The following OCA2 variants were observed in gnomAD, a reference collection of about 807,000 sequenced individuals.
OCA2 encodes the protein OCA2 melanosomal transmembrane protein.
OCA2 carries 77 observed loss-of-function variants against 100.2 expected under a neutral mutation model. The observed-to-expected ratio is 0.77, with a 90% confidence interval of 0.64 to 0.93. OCA2 has a LOEUF of 0.93. Ranked by LOEUF, OCA2 falls within the 40% of genes least tolerant of loss-of-function variation. OCA2 has a pLI of 0.00. For synonymous variants in OCA2, 432 were observed against 439.2 expected, an observed-to-expected ratio of 0.98 and a Z score of 0.21; for missense variants, 1,062 against 1,089.1, an observed-to-expected ratio of 0.98 and a Z score of 0.35.
At chr15:27,851,901 G>A (rs1200136635) in intron 21 of OCA2, among the ~76,000 whole-genome samples, 1 of 152,190 alleles carries the variant, frequency 6.6e-6, no homozygotes, top group Non-Finnish European at 1.5e-5. Context: ...CCAGGATGCA[G>A]AGAGGCACAG....
In OCA2 at chr15:27,957,785, A is replaced by C. The variant is rs1311226472; in HGVS notation, c.1637-50T>G. On this transcript the variant is annotated intron_variant, in intron 15 of 23. Coordinates refer to ENST00000354638, the MANE Select transcript of OCA2 (RefSeq NM_000275.3). The surrounding 1 kb of genome is among the most constrained non-coding windows in gnomAD (Gnocchi z 4.3). ...TGGGTCTCCCATGACCTCAGATATCAGCAACACCCTCCTCTGTTCCCCACA... is the reference window on the plus strand; with the variant it reads ...TGGGTCTCCCATGACCTCAGATATCCGCAACACCCTCCTCTGTTCCCCACA... 6.2e-7 allele frequency: 1 copy of C among 1,604,972 alleles called. No homozygotes were observed. The highest frequency in any genetic ancestry group is 1.7e-5 in the Admixed American group (1 of 59,972).
chr15:27,987,516 G>A lies in OCA2; in HGVS notation c.1183-873C>T, dbSNP rs535629295. On this transcript the variant is annotated intron_variant, in intron 11 of 23. Coordinates refer to ENST00000354638, the MANE Select transcript of OCA2 (RefSeq NM_000275.3). ...GGGCGGATCACGAGATCAGGAGATC[G>A]AGACCCTCCTGGCTAACATGGTGAA... Among the ~76,000 whole-genome samples, 62 of 150,916 alleles carry A rather than the reference G, an allele frequency of 4.1e-4. No homozygotes were observed. In the East Asian group the frequency reaches 6.1e-3, roughly 15 times the overall value.
chr15:27,859,773 C>T (rs1216446298), intron 21 of OCA2, among the ~76,000 whole-genome samples: 3 of 152,100 alleles, frequency 2.0e-5, no homozygotes, highest in African/African-American at 7.2e-5. Context: ...TCTATACCAA[C>T]GTTCTTACAG....
chr15:28,076,607 G>A (rs1016239738), intron 2 of OCA2, among the ~76,000 whole-genome samples: 2 of 151,958 alleles, frequency 1.3e-5, no homozygotes, highest in Non-Finnish European at 2.9e-5. Context: ...CAGCACTTTG[G>A]GAGGCCGAGG....
intron 19 of OCA2, among the ~76,000 whole-genome samples, chr15:27,901,185 G>A (rs1250413920): frequency 6.6e-6 from 1 of 152,222 alleles, no homozygotes; most frequent in East Asian, 1.9e-4. Context: ...TTGAGGACAA[G>A]TGATTTTCTC....
Position 27,944,090 on chromosome 15 carries a change from G to A in OCA2, c.1951+7694C>T, listed in dbSNP as rs563704802. ...CGACACCTTGACTATGGAAATTATC[G>A]TTTTTGGCTTTACCATTTGGTACCC... is the stretch of plus-strand genomic sequence containing the variant. On this transcript the variant is annotated intron_variant, in intron 18 of 23. Coordinates refer to ENST00000354638, the MANE Select transcript of OCA2 (RefSeq NM_000275.3). 4.6e-5 allele frequency among the ~76,000 whole-genome samples: 7 copies of A among 152,168 alleles called. 1 individual carries two copies. Among genetic ancestry groups the A allele is most frequent in the African/African-American group, 1.4e-4 (6 of 41,526 alleles).
At chr15:27,916,633 A>T (rs540622764) in intron 19 of OCA2, among the ~76,000 whole-genome samples, 21 of 152,342 alleles carry the variant, frequency 1.4e-4, no homozygotes, top group Non-Finnish European at 1.5e-5. Context: ...AAATACTCAA[A>T]ATTGATCTTG....
intron 19 of OCA2, among the ~76,000 whole-genome samples, chr15:27,907,911 A>G (rs912367056): frequency 6.6e-6 from 1 of 152,196 alleles, no homozygotes; most frequent in African/African-American, 2.4e-5. Flanking sequence ...ATGGTCTCAC[A>G]GGGGAATTGT....
chr15:28,021,781 G>A (rs189694875), intron 6 of OCA2, among the ~76,000 whole-genome samples: 177 of 152,276 alleles, frequency 1.2e-3, no homozygotes, highest in Admixed American at 3.7e-3. Flanking sequence ...GGCGCAGTGG[G>A]AATTCCTGCA....
At chr15:27,883,321 G>A (rs563162735) in intron 19 of OCA2, among the ~76,000 whole-genome samples, 26 of 152,262 alleles carry the variant, frequency 1.7e-4, no homozygotes, top group African/African-American at 4.6e-4. Flanking sequence ...ATTTTTCAGA[G>A]TCCATATGTA....
chr15:27,970,251 C>G (rs928816939), intron 14 of OCA2, among the ~76,000 whole-genome samples: 33 of 151,936 alleles, frequency 2.2e-4, no homozygotes, highest in African/African-American at 7.7e-4. Context: ...ACGAAGACCC[C>G]TGAGCCCACA....
In OCA2 at chr15:27,893,799, C is replaced by G. The variant is rs146058209; in HGVS notation, c.2080-21877G>C. ...TCAAGACAATACGTGCACCGCTGAA[C>G]ATAGACCCTTATCAGTGGTTCTGCT... On this transcript the variant is annotated intron_variant, in intron 19 of 23. Transcript: ENST00000354638. Among the ~76,000 whole-genome samples, 872 of 152,314 alleles carry G rather than the reference C, an allele frequency of 5.7e-3. 10 individuals are homozygous for G. Among genetic ancestry groups the G allele is most frequent in the African/African-American group, 0.02 (823 of 41,580 alleles).
At chr15:27,983,576 A>G (rs1567190838) in intron 13 of OCA2, 93 bp from the exon 14 acceptor site, 12 of 1,370,740 alleles carry the variant, frequency 8.8e-6, no homozygotes, top group Admixed American at 1.7e-5. Flanking sequence ...GCTTGCTCGT[A>G]TAAGGGAGGC....
rs143320446 is a variant in OCA2, at chr15:28,016,145, G to T, written c.849C>A (p.Ser283Arg). 28 of 1,614,102 alleles carry T rather than the reference G, an allele frequency of 1.7e-5. No homozygotes were observed. In the East Asian group the frequency reaches 5.6e-4, roughly 32 times the overall value. Residue 283 changes from serine to arginine, a missense_variant, in exon 8 of 24, where the codon AGC becomes AGA. Ser to Arg is a moderately radical substitution (Grantham distance 110, BLOSUM62 -1). Coordinates refer to ENST00000354638, the MANE Select transcript of OCA2 (RefSeq NM_000275.3). ...NWTVYLNPRR[S>R]EHSVMSRTFE... The stretch of plus-strand genomic sequence containing the variant: ...AGGTCCTGCTCATCACTGAGTGCTC[G>T]CTTCTCCTCGGATTTAAATACACCG...
intron 14 of OCA2, among the ~76,000 whole-genome samples, chr15:27,979,528 TTAAA>T (rs2041077422): frequency 6.6e-6 from 1 of 152,224 alleles, no homozygotes; most frequent in Non-Finnish European, 1.5e-5. Context: ...TTCCATTCCA[TTAAA>T]TAAATACTAT....
intron 9 of OCA2, among the ~76,000 whole-genome samples, chr15:28,004,401 G>A (rs550711744): frequency 1.3e-5 from 2 of 152,324 alleles, no homozygotes; most frequent in African/African-American, 2.4e-5. Flanking sequence ...GCAACAGGCC[G>A]AGGCCCTGAC....
chr15:27,732,041 T>C, the OCA2 span, among the ~76,000 whole-genome samples: 19,154 of 151,948 alleles, frequency 0.13, 1,370 homozygotes, highest in Admixed American at 0.2. Flanking sequence ...TGAAGTAGAG[T>C]GAGTAGGTCT....
chr15:28,098,873 C>T (rs960279690), intron 1 of OCA2, among the ~76,000 whole-genome samples: 2 of 152,246 alleles, frequency 1.3e-5, no homozygotes, highest in Non-Finnish European at 2.9e-5. Context: ...GGCTAGGAGG[C>T]CCCGCAGTGC....
chr15:27,990,537 C>G, intron 10 of OCA2, 39 bp downstream of exon 10: 1 of 1,596,124 alleles, frequency 6.3e-7, no homozygotes, highest in Non-Finnish European at 8.6e-7. Context: ...TGACATCCCA[C>G]TGAGTGGTAA....
Sources: allele counts gnomAD v4.1 joint callset (sites outside exome capture counted in the v4.1 genomes callset), GRCh38; gene constraint gnomAD v4.1.1; non-coding constraint Gnocchi (gnomAD v3.1); transcripts MANE v1.5; gene names NCBI Gene and HGNC (gene_info 2026-07-23, HGNC 2026-07-21).